AKAP12: variants seen among roughly 807,000 people sequenced by gnomAD.
AKAP12 encodes A-kinase anchor protein 12.
AKAP12 carries 32 observed loss-of-function variants against 79.9 expected under a neutral mutation model. The observed-to-expected ratio is 0.40, with a 90% confidence interval of 0.30 to 0.54. AKAP12 has a LOEUF of 0.54. AKAP12 is among the 20% of genes least tolerant of loss of function. AKAP12 has a pLI of 0.48. For missense variants in AKAP12, 2,074 were observed against 2,177.0 expected, an observed-to-expected ratio of 0.95 and a Z score of 0.94; for synonymous variants, 808 against 857.0, an observed-to-expected ratio of 0.94 and a Z score of 1.00.
At chr6:151,298,181 C>T (rs368106524) in intron 2 of AKAP12, among the ~76,000 whole-genome samples, 13 of 152,230 alleles carry the variant, frequency 8.5e-5, no homozygotes, top group East Asian at 7.7e-4. Flanking sequence ...AAATCACAGG[C>T]GGCCCTCGTC....
chr6:151,254,511 T>A (rs1283814801), intron 2 of AKAP12, among the ~76,000 whole-genome samples: 5 of 152,048 alleles, frequency 3.3e-5, no homozygotes, highest in African/African-American at 9.7e-5. Context: ...GCCACCACAC[T>A]CGGCTAATTT....
chr6:151,254,924 A>C (rs1186247479), intron 2 of AKAP12, among the ~76,000 whole-genome samples: 2 of 152,160 alleles, frequency 1.3e-5, no homozygotes, highest in Admixed American at 6.5e-5. Flanking sequence ...GGTCATGTTA[A>C]AGTATTACAT....
rs558191696 is a variant in AKAP12 at position 151,288,929 on chromosome 6, G to A, written c.163-16818G>A. 2.0e-5 allele frequency among the ~76,000 whole-genome samples: 3 copies of A among 152,338 alleles called. No individual in the cohort carries two copies. In the South Asian group the frequency reaches 6.2e-4, roughly 32 times the overall value. On this transcript the variant is annotated intron_variant, in intron 2 of 4. Transcript: ENST00000402676. ...GGCAGCTCTAAAAGCTCTTCTGACA[G>A]CTATAACTTATGATTTATAAATGAG...
rs748242869 is a variant in AKAP12, at chr6:151,352,537, C to A, written c.4146C>A (p.Ile1382=). 1.9e-6 allele frequency: 3 copies of A among 1,614,028 alleles called. No homozygotes were observed. The highest frequency in any genetic ancestry group is 1.7e-5 in the Admixed American group (1 of 60,008). ...KQLLQTVNVP[I]IDGAKEVSSL... ...TCCTCCAGACAGTGAATGTGCCCAT[C>A]ATAGATGGGGCAAAGGAAGTCAGCA... Residue 1382 remains isoleucine (I), a synonymous_variant, in exon 4 of 5, where the codon ATC becomes ATA. Transcript: ENST00000402676.
chr6:151,286,756 C>T (rs1776512296), intron 2 of AKAP12, among the ~76,000 whole-genome samples: 1 of 152,132 alleles, frequency 6.6e-6, no homozygotes, highest in Admixed American at 6.5e-5. Flanking sequence ...GGGTAAGTTG[C>T]CCCTCTTGAC....
At chr6:151,263,355 C>T (rs923584966) in intron 2 of AKAP12, among the ~76,000 whole-genome samples, 2 of 151,998 alleles carry the variant, frequency 1.3e-5, no homozygotes, top group African/African-American at 4.8e-5. Flanking sequence ...CTCTTTGACT[C>T]TCACTATGAT....
intron 2 of AKAP12, among the ~76,000 whole-genome samples, chr6:151,295,190 G>A (rs1453009432): frequency 6.6e-6 from 1 of 152,108 alleles, no homozygotes; most frequent in Non-Finnish European, 1.5e-5. Flanking sequence ...CACCTGTAGT[G>A]GCCAGTCCTT....
chr6:151,267,752 A>G (rs541078236), intron 2 of AKAP12, among the ~76,000 whole-genome samples: 14 of 152,342 alleles, frequency 9.2e-5, no homozygotes, highest in South Asian at 2.1e-4. Flanking sequence ...CACCATCGCT[A>G]TGTATCACTA....
chr6:151,333,794 A>G (rs1055401619), intron 3 of AKAP12, among the ~76,000 whole-genome samples: 1 of 151,434 alleles, frequency 6.6e-6, no homozygotes, highest in Non-Finnish European at 1.5e-5. Flanking sequence ...GAAGGGAATG[A>G]TGGTGGTCTT....
intron 3 of AKAP12, among the ~76,000 whole-genome samples, chr6:151,337,898 TTGG>T (rs1777856912): frequency 6.6e-6 from 1 of 151,180 alleles, no homozygotes; most frequent in African/African-American, 2.4e-5. Context: ...TAGCCAGGAG[TTGG>T]TGGCTCACAC....
intron 3 of AKAP12, among the ~76,000 whole-genome samples, chr6:151,333,525 C>T (rs993465593): frequency 1.3e-5 from 2 of 151,566 alleles, no homozygotes; most frequent in African/African-American, 4.9e-5. Context: ...CCGACATGAG[C>T]GGATCACCTG....
At chr6:151,285,290 T>C (rs1254673185) in intron 2 of AKAP12, among the ~76,000 whole-genome samples, 2 of 152,196 alleles carry the variant, frequency 1.3e-5, no homozygotes. Context: ...TACCAAATAA[T>C]GTTTTCCTGT....
chr6:151,333,403 C>T (rs1475357797), intron 3 of AKAP12, among the ~76,000 whole-genome samples: 2 of 152,172 alleles, frequency 1.3e-5, no homozygotes, highest in African/African-American at 4.8e-5. Context: ...CCGCTGTGTT[C>T]ACTAAGCTAC....
Position 151,348,830 on chromosome 6 carries a change from G to C in AKAP12, c.439G>C (p.Glu147Gln), listed in dbSNP as rs138659689. Residue 147 changes from glutamate to glutamine, a missense_variant, in exon 4 of 5, where the codon GAA (glutamate) becomes CAA (glutamine). Around this residue, in one of 3 missense-constraint regions of AKAP12, gnomAD observed 1,428 missense variants for 1,451.0 expected, o/e 0.98. Transcript: ENST00000402676. ...DGQEETPEII[E>Q]QIPSSESNLE... ...GCAGGAGGAGACACCCGAAATAATC[G>C]AACAGATTCCTTCTTCAGAAAGCAA... 3 of 1,613,952 alleles carry C rather than the reference G, an allele frequency of 1.9e-6. No homozygotes were observed. The highest frequency in any genetic ancestry group is 1.3e-5 in the African/African-American group (1 of 74,888).
intron 3 of AKAP12, chr6:151,325,661 A>G (rs530776530): frequency 2.4e-4 from 336 of 1,410,932 alleles, no homozygotes; most frequent in Non-Finnish European, 3.0e-4. Context: ...ATCTGGGGAA[A>G]TGCATCCGCG....
chr6:151,250,169 C>T (rs972179706), intron 2 of AKAP12, among the ~76,000 whole-genome samples: 1 of 151,688 alleles, frequency 6.6e-6, no homozygotes, highest in Admixed American at 6.6e-5. Context: ...CACTAGAGCC[C>T]GGGAAGTTGA....
At chr6:151,316,150 A>G (rs1396302892) in intron 3 of AKAP12, among the ~76,000 whole-genome samples, 1 of 152,236 alleles carries the variant, frequency 6.6e-6, no homozygotes, top group Non-Finnish European at 1.5e-5. Flanking sequence ...CCTGTTAATC[A>G]AGATTTATTC....
At chr6:151,243,928 C>A (rs980651344) in intron 2 of AKAP12, among the ~76,000 whole-genome samples, 1 of 152,208 alleles carries the variant, frequency 6.6e-6, no homozygotes, top group African/African-American at 2.4e-5. Context: ...CAGTGACAAA[C>A]TGACTTCCAT....
intron 3 of AKAP12, among the ~76,000 whole-genome samples, chr6:151,345,926 T>TGAGAGAGAGA (rs1562750399): frequency 9.3e-6 from 1 of 107,560 alleles, no homozygotes; most frequent in African/African-American, 3.1e-5. Flanking sequence ...TGTGTGTGTG[T>TGAGAGAGAGA]GTGTGTGAGA....
Sources: gnomAD v4.1 joint callset for allele counts (sites outside exome capture counted in the v4.1 genomes callset) on GRCh38, gnomAD v4.1.1 for gene constraint, gnomAD v4.1.1 regional missense constraint, MANE v1.5 for transcripts, NCBI Gene and HGNC (gene_info 2026-07-23, HGNC 2026-07-21) for gene names.